MCTP2: variants seen among roughly 807,000 people sequenced by gnomAD.
The protein encoded by MCTP2 is multiple C2 and transmembrane domain-containing protein 2.
Under a neutral mutation model 111.6 loss-of-function variants are expected in MCTP2, and 132 were observed. The observed-to-expected ratio is 1.18, with a 90% confidence interval of 1.03 to 1.37. The LOEUF is 1.37. Among genes scored for constraint, MCTP2 ranks in the 40% most tolerant of loss-of-function variants. MCTP2 has a pLI of 0.00. For missense variants in MCTP2, 1,183 were observed against 1,067.9 expected (o/e 1.11, Z -1.50); for synonymous variants, 395 against 387.7 (o/e 1.02, Z -0.22).
At chr15:94,424,724 G>A (rs59039537) in intron 17 of MCTP2, among the ~76,000 whole-genome samples, 23,687 of 152,090 alleles carry the variant, frequency 0.16, 1,896 homozygotes, top group East Asian at 0.25. Context: ...AACTCTTGGC[G>A]TTATCTGACT....
At chr15:94,280,360 C>G (rs2074416335) in intron 1 of MCTP2, among the ~76,000 whole-genome samples, 1 of 149,990 alleles carries the variant, frequency 6.7e-6, no homozygotes, top group Non-Finnish European at 1.5e-5. Flanking sequence ...TCCATTTATC[C>G]ATTTCTTATA....
At chr15:94,454,599 TG>T (rs764249768) in intron 19 of MCTP2, among the ~76,000 whole-genome samples, 4 of 112,794 alleles carry the variant, frequency 3.5e-5, no homozygotes, top group Admixed American at 7.9e-5. Flanking sequence ...GACTCTTTTG[TG>T]GAAAAAAAAA....
intron 4 of MCTP2, among the ~76,000 whole-genome samples, chr15:94,330,040 A>G (rs2077060844): frequency 6.6e-6 from 1 of 152,194 alleles, no homozygotes; most frequent in African/African-American, 2.4e-5. Flanking sequence ...GCCACATATG[A>G]AAGACCACAT....
At chr15:94,310,329 G>A (rs1354294415) in intron 2 of MCTP2, among the ~76,000 whole-genome samples, 1 of 152,144 alleles carries the variant, frequency 6.6e-6, no homozygotes, top group Non-Finnish European at 1.5e-5. Flanking sequence ...ACCACAGATG[G>A]GGGTCAAAGT....
chr15:94,401,889 T>C lies in MCTP2; in HGVS notation c.1966-11T>C, dbSNP rs775814776. 2 of 1,598,022 alleles carry C rather than the reference T, an allele frequency of 1.3e-6. No homozygotes were observed. Among genetic ancestry groups the C allele is most frequent in the Non-Finnish European group, 1.7e-6 (2 of 1,172,386 alleles). On this transcript the variant is annotated splice_polypyrimidine_tract_variant and intron_variant, in intron 16 of 22. Coordinates refer to ENST00000357742, the MANE Select transcript of MCTP2 (RefSeq NM_001385001.1). ...AAATCTAGTTTCCTGTTTGTCATTT[T>C]TTAAAATCAGATCTTATCAAGAGAT...
intron 1 of MCTP2, among the ~76,000 whole-genome samples, chr15:94,245,360 A>G (rs941500433): frequency 7.1e-5 from 10 of 139,956 alleles, no homozygotes; most frequent in Non-Finnish European, 1.5e-4. Flanking sequence ...ACATATGTAT[A>G]TATATTTACA....
rs56105062 is a variant in MCTP2, at chr15:94,298,077, T to C, written c.-65-124T>C. 2,441 of 483,130 alleles carry C rather than the reference T, an allele frequency of 5.1e-3. 44 individuals are homozygous for C. Among genetic ancestry groups the C allele is most frequent in the African/African-American group, 0.043 (2,144 of 49,988 alleles). 29.9% of individuals were successfully genotyped at this position (483,130 alleles called of 1,614,324 possible). ...CAATCAAATGTTGCAGTCTTAATCA[T>C]TTATTGGAAACTGTAAGATTTTTGA... On this transcript the variant is annotated intron_variant, in intron 1 of 22. Transcript: ENST00000357742.
intron 10 of MCTP2, among the ~76,000 whole-genome samples, chr15:94,364,204 A>G (rs912068786): frequency 1.3e-5 from 2 of 151,844 alleles, no homozygotes; most frequent in East Asian, 1.9e-4. Flanking sequence ...TTGGGAAAAA[A>G]CCTTCATTTG....
chr15:94,238,119 G>T (rs2070697209), intron 1 of MCTP2, among the ~76,000 whole-genome samples: 1 of 152,088 alleles, frequency 6.6e-6, no homozygotes, highest in Non-Finnish European at 1.5e-5. Context: ...CCTCCTGAGG[G>T]CTGAGTCACG....
chr15:94,431,535 T>C (rs1355701538), intron 17 of MCTP2, among the ~76,000 whole-genome samples: 1 of 152,218 alleles, frequency 6.6e-6, no homozygotes, highest in Non-Finnish European at 1.5e-5. Context: ...GGTGTTTTGT[T>C]GTTGTTTTGC....
intron 1 of MCTP2, among the ~76,000 whole-genome samples, chr15:94,249,520 C>G (rs1304176281): frequency 1.3e-5 from 2 of 150,930 alleles, no homozygotes; most frequent in Non-Finnish European, 2.9e-5. Context: ...GAGTCTCACT[C>G]TGTCACCCAG....
At chr15:94,331,799 A>G (rs981432064) in intron 4 of MCTP2, among the ~76,000 whole-genome samples, 3 of 152,182 alleles carry the variant, frequency 2.0e-5, no homozygotes, top group African/African-American at 2.4e-5. Flanking sequence ...TGGCAGGTCC[A>G]TTTAGAGGAA....
chr15:94,244,092 A>T (rs1431725472), intron 1 of MCTP2, among the ~76,000 whole-genome samples: 1 of 55,018 alleles, frequency 1.8e-5, no homozygotes, highest in African/African-American at 6.4e-5. Flanking sequence ...ACACATATGT[A>T]TACACATACA....
intron 17 of MCTP2, among the ~76,000 whole-genome samples, chr15:94,439,814 G>A (rs149335607): frequency 1.2e-3 from 178 of 152,336 alleles, no homozygotes; most frequent in African/African-American, 4.1e-3. Context: ...TGAAAAAGTA[G>A]TGGCTCTTTC....
At chr15:94,264,376 A>G (rs921133143) in intron 1 of MCTP2, among the ~76,000 whole-genome samples, 1 of 152,084 alleles carries the variant, frequency 6.6e-6, no homozygotes, top group African/African-American at 2.4e-5. Flanking sequence ...TGGGAGGCCG[A>G]GGCGGGTGGA....
intron 8 of MCTP2, among the ~76,000 whole-genome samples, chr15:94,353,775 A>G (rs571927728): frequency 2.6e-5 from 4 of 152,324 alleles, no homozygotes; most frequent in Non-Finnish European, 4.4e-5. Context: ...AGGATATATG[A>G]ATCAAAATCT....
rs1053227885 is a variant in MCTP2, at chr15:94,339,391, G to A, written c.739G>A (p.Val247Ile). The A allele has an allele frequency of 6.2e-6, 10 of 1,611,426 alleles. No homozygotes were observed. In the Admixed American group the frequency reaches 1.0e-4, roughly 16 times the overall value. Residue 247 changes from valine to isoleucine, a missense_variant, in exon 5 of 23, where the codon GTA (valine) becomes ATA (isoleucine). Coordinates refer to ENST00000357742, the MANE Select transcript of MCTP2 (RefSeq NM_001385001.1). The stretch of plus-strand genomic sequence containing the variant: ...GAACCCAGTATGGGATGAGATAGTT[G>A]TATTGCCAATCCAAAGCCTTGATCA... ...NLNPVWDEIV[V>I]LPIQSLDQKL...
intron 1 of MCTP2, among the ~76,000 whole-genome samples, chr15:94,271,877 C>T (rs906501943): frequency 6.6e-6 from 1 of 152,162 alleles, no homozygotes. Context: ...TTTGGGCTAA[C>T]CTTTCAATTA....
chr15:94,315,906 C>T (rs1247513710), intron 4 of MCTP2, among the ~76,000 whole-genome samples: 1 of 152,206 alleles, frequency 6.6e-6, no homozygotes, highest in Non-Finnish European at 1.5e-5. Context: ...AGCTTTACGC[C>T]TGGCCTATGG....
Sources: gnomAD v4.1 joint callset for allele counts (sites outside exome capture counted in the v4.1 genomes callset) on GRCh38, gnomAD v4.1.1 for gene constraint, MANE v1.5 for transcripts, NCBI Gene and HGNC (gene_info 2026-07-23, HGNC 2026-07-21) for gene names.